Variants in SNX30 observed in about 807,000 individuals in gnomAD.
SNX30 encodes the protein sorting nexin family member 30, also known as sorting nexin-30.
SNX30 carries 24 observed loss-of-function variants against 46.4 expected under a neutral mutation model. That is an observed-to-expected ratio of 0.52 (90% CI 0.37 to 0.73). SNX30 has a LOEUF of 0.73. Ranked by LOEUF, SNX30 falls within the 30% of genes least tolerant of loss-of-function variation. The pLI, the probability that SNX30 is intolerant of heterozygous loss-of-function variation, is 0.00. For synonymous variants in SNX30, 189 were observed against 211.5 expected (o/e 0.89, Z 0.92); for missense variants, 533 against 555.7 (o/e 0.96, Z 0.41).
intron 1 of SNX30, among the ~76,000 whole-genome samples, chr9:112,779,539 A>G (rs1839811769): frequency 6.6e-6 from 1 of 152,162 alleles, no homozygotes; most frequent in Admixed American, 6.5e-5. Context: ...TACTAAAAAT[A>G]CAAAAATTAG....
intron 1 of SNX30, among the ~76,000 whole-genome samples, chr9:112,752,942 G>GTTT (rs1019442330): frequency 5.2e-4 from 79 of 152,278 alleles, no homozygotes; most frequent in African/African-American, 1.9e-3. Flanking sequence ...CCATAGGGCT[G>GTTT]TTTGATGTGG....
At chr9:112,818,450 G>A (rs530100634) in intron 3 of SNX30, among the ~76,000 whole-genome samples, 135 of 152,198 alleles carry the variant, frequency 8.9e-4, no homozygotes, top group African/African-American at 2.9e-3. Context: ...GGCTGGTCTC[G>A]AACTCCTGAT....
In SNX30 at chr9:112,874,481, G is replaced by A. The variant is rs1395617348; in HGVS notation, c.*5638G>A. On this transcript the variant is annotated 3_prime_UTR_variant, in exon 9 of 9. Transcript: ENST00000374232. ...CGGCTTTGGACATGTCCACATTATGGACTGTCATCTTATTTTTAAAAGTCA... is the reference window on the plus strand; with the variant it reads ...CGGCTTTGGACATGTCCACATTATGAACTGTCATCTTATTTTTAAAAGTCA... The A allele has an allele frequency of 6.6e-6, 1 of 152,160 alleles. No individual in the cohort carries two copies. Among genetic ancestry groups the A allele is most frequent in the Non-Finnish European group, 1.5e-5 (1 of 68,030 alleles). 9.4% of individuals were successfully genotyped at this position (152,160 alleles called of 1,614,324 possible).
intron 1 of SNX30, among the ~76,000 whole-genome samples, chr9:112,781,823 G>C (rs1047553962): frequency 1.8e-4 from 27 of 148,396 alleles, no homozygotes; most frequent in Non-Finnish European, 1.8e-4. Context: ...TGTATATTTA[G>C]TAGAGACGGG....
chr9:112,772,297 C>T (rs1839665953), intron 1 of SNX30, among the ~76,000 whole-genome samples: 1 of 152,214 alleles, frequency 6.6e-6, no homozygotes, highest in Admixed American at 6.5e-5. Flanking sequence ...GGGGATTAGA[C>T]TGACACCTCT....
In SNX30 at chr9:112,864,357, A is replaced by C. The variant is rs948028637; in HGVS notation, c.1212A>C (p.Leu404=). 3.7e-6 allele frequency: 6 copies of C among 1,614,194 alleles called. No individual in the cohort carries two copies. Among genetic ancestry groups the C allele is most frequent in the Non-Finnish European group, 5.1e-6 (6 of 1,180,024 alleles). Residue 404 remains leucine, a synonymous_variant, in exon 8 of 9, where the codon CTA becomes CTC. Transcript: ENST00000374232. ...QNNKRQDFRQ[L]LMGMADKNIQ... ...ACAAGAGGCAGGACTTCCGGCAGCT[A>C]CTCATGGGGATGGCTGACAAGAACA...
intron 7 of SNX30, among the ~76,000 whole-genome samples, chr9:112,852,394 G>A (rs1403194555): frequency 1.3e-5 from 2 of 152,164 alleles, no homozygotes; most frequent in Admixed American, 6.5e-5. Context: ...TATACAGGAG[G>A]CTGTGCATCA....
chr9:112,828,706 A>G (rs752400671), intron 3 of SNX30, among the ~76,000 whole-genome samples: 5 of 152,218 alleles, frequency 3.3e-5, no homozygotes, highest in Admixed American at 6.5e-5. Flanking sequence ...TGGTAGATTA[A>G]TAAGTGCTGG....
chr9:112,844,016 G>C (rs965496166), intron 6 of SNX30, among the ~76,000 whole-genome samples: 1 of 152,192 alleles, frequency 6.6e-6, no homozygotes, highest in Non-Finnish European at 1.5e-5. Flanking sequence ...TAGTGCTACA[G>C]TATGGAGACT....
chr9:112,766,479 T>C (rs1839539017), intron 1 of SNX30, among the ~76,000 whole-genome samples: 1 of 152,238 alleles, frequency 6.6e-6, no homozygotes, highest in Non-Finnish European at 1.5e-5. Context: ...GTACCCTGGC[T>C]TGTTTTTAAT....
intron 1 of SNX30, among the ~76,000 whole-genome samples, chr9:112,755,924 T>G (rs991292236): frequency 2.0e-5 from 3 of 152,146 alleles, no homozygotes; most frequent in Non-Finnish European, 4.4e-5. Flanking sequence ...GGTGTCTCAT[T>G]GGTCTAAATT....
chr9:112,837,220 T>C (rs1173458361), intron 5 of SNX30, among the ~76,000 whole-genome samples: 1 of 152,138 alleles, frequency 6.6e-6, no homozygotes, highest in Non-Finnish European at 1.5e-5. Flanking sequence ...ATTTTTTTTT[T>C]CTCATTTCTT....
intron 1 of SNX30, among the ~76,000 whole-genome samples, chr9:112,794,344 G>T (rs1435199430): frequency 6.6e-6 from 1 of 151,928 alleles, no homozygotes; most frequent in Non-Finnish European, 1.5e-5. Context: ...GTAGAGATGG[G>T]GTTTTACCAT....
intron 1 of SNX30, among the ~76,000 whole-genome samples, chr9:112,778,530 C>T (rs1382054873): frequency 1.3e-5 from 2 of 152,134 alleles, no homozygotes; most frequent in Non-Finnish European, 2.9e-5. Context: ...CCTCGGCCTC[C>T]CAAAATGCTG....
At chr9:112,812,069 G>A (rs1237789714) in intron 2 of SNX30, among the ~76,000 whole-genome samples, 1 of 152,092 alleles carries the variant, frequency 6.6e-6, no homozygotes, top group African/African-American at 2.4e-5. Flanking sequence ...CATTGTGAGT[G>A]TGTTTTGCTA....
At chr9:112,858,084 A>G (rs975458093) in intron 7 of SNX30, among the ~76,000 whole-genome samples, 3 of 152,214 alleles carry the variant, frequency 2.0e-5, no homozygotes, top group Non-Finnish European at 2.9e-5. Flanking sequence ...TTGAGGTCTT[A>G]TCTGGTGATA....
intron 8 of SNX30, among the ~76,000 whole-genome samples, chr9:112,867,363 ATTC>A (rs1841375979): frequency 7.0e-6 from 1 of 142,364 alleles, no homozygotes; most frequent in Non-Finnish European, 1.5e-5. Flanking sequence ...CCTCCTCAGA[ATTC>A]CTCCTCCCTC....
intron 2 of SNX30, among the ~76,000 whole-genome samples, chr9:112,815,440 A>C (rs1840381689): frequency 6.6e-6 from 1 of 151,012 alleles, no homozygotes; most frequent in Admixed American, 6.6e-5. Flanking sequence ...GACTCACTGC[A>C]GCCTCCCCCT....
At chr9:112,769,281 G>A (rs897399997) in intron 1 of SNX30, among the ~76,000 whole-genome samples, 18 of 152,164 alleles carry the variant, frequency 1.2e-4, no homozygotes, top group African/African-American at 3.6e-4. Context: ...CATTGAGGTC[G>A]TTTCTGTCTT....
Sources: gnomAD v4.1 joint callset for allele counts (sites outside exome capture counted in the v4.1 genomes callset) on GRCh38, gnomAD v4.1.1 for gene constraint, MANE v1.5 for transcripts, NCBI Gene and HGNC (gene_info 2026-07-23, HGNC 2026-07-21) for gene names.